Variants in GALNT13 observed in about 807,000 individuals in gnomAD.
GALNT13 encodes the protein polypeptide N-acetylgalactosaminyltransferase 13, also known as UDP-GalNAc:polypeptide N-acetylgalactosaminyltransferase 13.
Under a neutral mutation model 64.2 loss-of-function variants are expected in GALNT13, and 28 were observed. The ratio of observed to expected loss-of-function variants is 0.44; its 90% CI spans 0.32 to 0.60. The LOEUF is 0.60. Among genes scored for constraint, GALNT13 ranks in the 20% least tolerant of loss-of-function variants. The probability of loss-of-function intolerance (pLI) is 0.05; values close to 1 mark genes in which losing one functional copy is unlikely to be tolerated. For missense variants in GALNT13, 577 were observed against 669.8 expected (o/e 0.86, Z 1.53); for synonymous variants, 214 against 224.6 (o/e 0.95, Z 0.42).
At chr2:153,444,436 G>T in the GALNT13 span, among the ~76,000 whole-genome samples, 11 of 152,252 alleles carry the variant, frequency 7.2e-5, no homozygotes, top group African/African-American at 2.6e-4. Context: ...CATGATTGAG[G>T]AATGTGTTAT....
chr2:153,337,981 T>C, the GALNT13 span, among the ~76,000 whole-genome samples: 3 of 152,202 alleles, frequency 2.0e-5, no homozygotes, highest in East Asian at 3.9e-4. Context: ...AACTGTGATA[T>C]TTCAAATGGA....
chr2:153,793,162 C>T, the GALNT13 span, among the ~76,000 whole-genome samples: 5 of 151,596 alleles, frequency 3.3e-5, no homozygotes, highest in African/African-American at 7.3e-5. Context: ...TTAGTAGAGA[C>T]GGGGTTTCAC....
chr2:153,227,318 G>A, the GALNT13 span, among the ~76,000 whole-genome samples: 1 of 152,178 alleles, frequency 6.6e-6, no homozygotes, highest in East Asian at 1.9e-4. Flanking sequence ...ACTGAGTGCT[G>A]GCTGGAAATT....
At chr2:153,733,528 A>G in the GALNT13 span, among the ~76,000 whole-genome samples, 1 of 152,166 alleles carries the variant, frequency 6.6e-6, no homozygotes, top group Non-Finnish European at 1.5e-5. Flanking sequence ...CCATGCACAC[A>G]TATTTGCACA....
chr2:153,251,698 C>T, the GALNT13 span, among the ~76,000 whole-genome samples: 6 of 147,208 alleles, frequency 4.1e-5, no homozygotes, highest in Non-Finnish European at 8.9e-5. Flanking sequence ...TCAGTTCCCA[C>T]GTATGAGTGA....
chr2:153,320,058 C>G, the GALNT13 span, among the ~76,000 whole-genome samples: 2 of 152,112 alleles, frequency 1.3e-5, no homozygotes, highest in African/African-American at 4.8e-5. Context: ...ATACATATAA[C>G]TGGGTTGCAC....
At chr2:153,604,539 C>A in the GALNT13 span, among the ~76,000 whole-genome samples, 3 of 151,972 alleles carry the variant, frequency 2.0e-5, no homozygotes, top group African/African-American at 7.2e-5. Context: ...GCTTCCTGAG[C>A]AATATCCTAT....
At chr2:153,702,376 G>T in the GALNT13 span, among the ~76,000 whole-genome samples, 1 of 152,094 alleles carries the variant, frequency 6.6e-6, no homozygotes, top group Non-Finnish European at 1.5e-5. Context: ...GAACCAAGAT[G>T]ATGGGTTAAT....
intron 6 of GALNT13, among the ~76,000 whole-genome samples, chr2:154,244,918 C>G (rs910500288): frequency 2.6e-5 from 4 of 151,794 alleles, no homozygotes; most frequent in Admixed American, 2.0e-4. Flanking sequence ...GTCAGGAGTT[C>G]GAGACCAACC....
the GALNT13 span, among the ~76,000 whole-genome samples, chr2:153,601,508 T>C: frequency 6.6e-6 from 1 of 151,708 alleles, no homozygotes; most frequent in Non-Finnish European, 1.5e-5. Context: ...TTCACCATTT[T>C]TCTTTTTTTT....
the GALNT13 span, among the ~76,000 whole-genome samples, chr2:153,130,906 T>G: frequency 6.6e-6 from 1 of 152,172 alleles, no homozygotes. Flanking sequence ...CAGTCCAAAC[T>G]ACTGTCGAGA....
chr2:154,157,800 G>C (rs1684509663), intron 4 of GALNT13, among the ~76,000 whole-genome samples: 2 of 152,096 alleles, frequency 1.3e-5, no homozygotes, highest in Non-Finnish European at 2.9e-5. Context: ...ATATTTAACA[G>C]TCAATTTTCA....
At chr2:153,144,922 C>T in the GALNT13 span, among the ~76,000 whole-genome samples, 5 of 151,706 alleles carry the variant, frequency 3.3e-5, no homozygotes, top group Admixed American at 2.6e-4. Context: ...ATACAATTAT[C>T]AAAAAATGAT....
At chr2:154,377,637 T>G (rs888478777) in intron 9 of GALNT13, among the ~76,000 whole-genome samples, 1 of 152,198 alleles carries the variant, frequency 6.6e-6, no homozygotes, top group Admixed American at 6.5e-5. Flanking sequence ...ATTGGCGTAG[T>G]TAATCTGACT....
chr2:153,803,447 C>T, the GALNT13 span, among the ~76,000 whole-genome samples: 1 of 152,098 alleles, frequency 6.6e-6, no homozygotes, highest in African/African-American at 2.4e-5. Flanking sequence ...AATCCCAGCA[C>T]TTTGGGAGGC....
chr2:154,241,919 C>A, intron 4 of GALNT13, 111 bp from the exon 5 acceptor site: 1 of 555,926 alleles, frequency 1.8e-6, no homozygotes, highest in Non-Finnish European at 3.0e-6. Flanking sequence ...AAAACATTTC[C>A]TTAGTAAGGG....
At chr2:153,749,650 CA>C in the GALNT13 span, among the ~76,000 whole-genome samples, 2 of 151,846 alleles carry the variant, frequency 1.3e-5, no homozygotes, top group Admixed American at 6.6e-5. Flanking sequence ...TCACTGTTGG[CA>C]TATAGAAATG....
intron 2 of GALNT13, among the ~76,000 whole-genome samples, chr2:153,916,063 G>A (rs1444676): frequency 0.71 from 108,054 of 151,724 alleles, 38,768 homozygotes; most frequent in East Asian, 0.9. Context: ...ACATTGAGGT[G>A]ATCTGATCTT....
chr2:153,540,768 T>C, the GALNT13 span, among the ~76,000 whole-genome samples: 1 of 152,232 alleles, frequency 6.6e-6, no homozygotes, highest in Non-Finnish European at 1.5e-5. Flanking sequence ...CAAACTTGCA[T>C]GAGGCCTTTG....
Sources: gnomAD v4.1 joint callset for allele counts (sites outside exome capture counted in the v4.1 genomes callset) on GRCh38, gnomAD v4.1.1 for gene constraint, MANE v1.5 for transcripts, NCBI Gene and HGNC (gene_info 2026-07-23, HGNC 2026-07-21) for gene names.